Variants in CYTH1 observed in about 807,000 individuals in gnomAD.
CYTH1 encodes cytohesin-1.
CYTH1 carries 18 observed loss-of-function variants against 61.8 expected under a neutral mutation model. The observed-to-expected ratio is 0.29, with a 90% CI of 0.20 to 0.43. The LOEUF (loss-of-function observed/expected upper bound fraction) is 0.43. CYTH1 is among the 20% of genes least tolerant of loss of function. CYTH1 has a pLI of 1.00. For synonymous variants in CYTH1, 174 were observed against 184.3 expected, an observed-to-expected ratio of 0.94 and a Z score of 0.45; for missense variants, 336 against 510.5, an observed-to-expected ratio of 0.66 and a Z score of 3.29.
chr17:78,765,406 C>A (rs2093444521), intron 1 of CYTH1, among the ~76,000 whole-genome samples: 1 of 152,116 alleles, frequency 6.6e-6, no homozygotes, highest in Admixed American at 6.6e-5. Context: ...AATTTAATTT[C>A]CTCCATGCTT....
chr17:78,690,518 C>T (rs2092873090), intron 11 of CYTH1, among the ~76,000 whole-genome samples: 1 of 147,322 alleles, frequency 6.8e-6, no homozygotes, highest in Non-Finnish European at 1.5e-5. Context: ...CATCCCATCT[C>T]TACTTAAAAA....
intron 3 of CYTH1, among the ~76,000 whole-genome samples, chr17:78,703,901 T>C (rs145416270): frequency 1.3e-5 from 2 of 152,248 alleles, no homozygotes; most frequent in African/African-American, 4.8e-5. Context: ...CATTTGCATA[T>C]ATGTCTTTGT....
chr17:78,730,957 C>A (rs1485639809), intron 1 of CYTH1, among the ~76,000 whole-genome samples: 1 of 152,068 alleles, frequency 6.6e-6, no homozygotes, highest in Non-Finnish European at 1.5e-5. Context: ...AGCCACCGCG[C>A]TCGGCACGAA....
chr17:78,694,604 T>C (rs1182305487), intron 10 of CYTH1, among the ~76,000 whole-genome samples: 10 of 152,244 alleles, frequency 6.6e-5, no homozygotes, highest in Admixed American at 5.2e-4. Context: ...TGGCGGGCCA[T>C]TGGTTGCCCA....
At chr17:78,716,505 C>T (rs1171546481) in intron 1 of CYTH1, among the ~76,000 whole-genome samples, 1 of 152,210 alleles carries the variant, frequency 6.6e-6, no homozygotes, top group Non-Finnish European at 1.5e-5. Flanking sequence ...ACATTTGCCA[C>T]ATGACTGCTA....
intron 1 of CYTH1, among the ~76,000 whole-genome samples, chr17:78,740,399 G>A (rs2093337737): frequency 6.6e-6 from 1 of 152,192 alleles, no homozygotes; most frequent in African/African-American, 2.4e-5. Flanking sequence ...ACTATTCAAT[G>A]CCTCATTCTT....
At chr17:78,765,113 G>C (rs1598921587) in intron 1 of CYTH1, among the ~76,000 whole-genome samples, 1 of 152,156 alleles carries the variant, frequency 6.6e-6, no homozygotes, top group Admixed American at 6.5e-5. Context: ...AGCGTGCCTG[G>C]TGTGTACCAA....
intron 1 of CYTH1, among the ~76,000 whole-genome samples, chr17:78,758,783 C>T (rs1268686794): frequency 6.6e-6 from 1 of 152,136 alleles, no homozygotes; most frequent in African/African-American, 2.4e-5. Flanking sequence ...GGTTCCTCAG[C>T]TGTAGGCAAA....
At chr17:78,708,118 G>A (rs1315667175) in intron 3 of CYTH1, 79 bp downstream of exon 3, 8 of 1,405,008 alleles carry the variant, frequency 5.7e-6, no homozygotes, top group Non-Finnish European at 8.1e-6. Flanking sequence ...CCTTCAATGT[G>A]CCACGTAAGC....
At chr17:78,692,019 AG>A (rs1359895152) in intron 11 of CYTH1, 1 of 169,268 alleles carries the variant, frequency 5.9e-6, no homozygotes, top group Non-Finnish European at 1.3e-5. Flanking sequence ...AACCCAGAAT[AG>A]GTGAATTTTC....
chr17:78,683,578 G>A (rs1341419933), intron 11 of CYTH1, among the ~76,000 whole-genome samples: 1 of 152,144 alleles, frequency 6.6e-6, no homozygotes, highest in Non-Finnish European at 1.5e-5. Flanking sequence ...AGAAGCTGGG[G>A]GTGGGAGAAG....
At chr17:78,778,375 C>T (rs1033650840) in intron 1 of CYTH1, among the ~76,000 whole-genome samples, 4 of 147,854 alleles carry the variant, frequency 2.7e-5, no homozygotes, top group African/African-American at 5.0e-5. Context: ...TGGTGGCTCA[C>T]GCCTGTAATC....
chr17:78,761,103 G>T (rs761554782), intron 1 of CYTH1, among the ~76,000 whole-genome samples: 1 of 152,008 alleles, frequency 6.6e-6, no homozygotes, highest in Non-Finnish European at 1.5e-5. Flanking sequence ...CAAAGTGCTG[G>T]ATTACAGGTG....
chr17:78,735,200 C>T (rs1191512734), intron 1 of CYTH1, among the ~76,000 whole-genome samples: 1 of 152,156 alleles, frequency 6.6e-6, no homozygotes, highest in Non-Finnish European at 1.5e-5. Context: ...AACCTCATGC[C>T]CCACCCCCAT....
chr17:78,753,333 C>G (rs1341987591), intron 1 of CYTH1, among the ~76,000 whole-genome samples: 1 of 151,984 alleles, frequency 6.6e-6, no homozygotes, highest in Non-Finnish European at 1.5e-5. Flanking sequence ...AAAATAAAAA[C>G]AAGTCACAAG....
In CYTH1 at chr17:78,698,314, G is replaced by A; in HGVS notation, c.766C>T (p.His256Tyr). The part of the protein sequence containing the change: ...IPEDDGNDLT[H>Y]TFFNPDREGW... ...TCTCGGTCTGGATTGAAGAAAGTGT[G>A]AGTGAGGTCATTCCCGTCGTCTTCT... The change falls in exon 9 of 14, where the codon CAC becomes TAC. Residue 256 changes from histidine to tyrosine, a missense_variant. Coordinates refer to ENST00000446868, the MANE Select transcript of CYTH1 (RefSeq NM_004762.6). 1.2e-6 allele frequency: 2 copies of A among 1,613,626 alleles called. No individual in the cohort carries two copies. The highest frequency in any genetic ancestry group is 8.5e-7 in the Non-Finnish European group (1 of 1,179,890).
At chr17:78,731,766 A>AC (rs1298355376) in intron 1 of CYTH1, among the ~76,000 whole-genome samples, 7 of 151,716 alleles carry the variant, frequency 4.6e-5, no homozygotes, top group Non-Finnish European at 1.0e-4. Flanking sequence ...AAAAAAAAAA[A>AC]AAAAACAAAA....
At chr17:78,718,625 T>C (rs989657139) in intron 1 of CYTH1, among the ~76,000 whole-genome samples, 4 of 152,224 alleles carry the variant, frequency 2.6e-5, no homozygotes, top group Non-Finnish European at 5.9e-5. Flanking sequence ...GTAAGTCACT[T>C]TGTCTCCCAG....
intron 1 of CYTH1, among the ~76,000 whole-genome samples, chr17:78,710,179 G>A (rs1297061706): frequency 1.3e-5 from 2 of 152,180 alleles, no homozygotes; most frequent in Non-Finnish European, 2.9e-5. Context: ...GAGGCAAGAG[G>A]CAAAGCAACG....
Sources: allele counts gnomAD v4.1 joint callset (sites outside exome capture counted in the v4.1 genomes callset), GRCh38; gene constraint gnomAD v4.1.1; transcripts MANE v1.5; gene names NCBI Gene and HGNC (gene_info 2026-07-23, HGNC 2026-07-21).